The following EXOC4 variants were observed in gnomAD, a reference collection of about 807,000 sequenced individuals.
The protein encoded by EXOC4 is exocyst complex component 4.
A neutral mutation model predicts 107.2 loss-of-function variants in EXOC4; 71 were observed. The ratio of observed to expected loss-of-function variants is 0.66; its 90% CI spans 0.55 to 0.81. The LOEUF (loss-of-function observed/expected upper bound fraction) is 0.81, where lower values mean the gene tolerates loss of function less well. EXOC4 is among the 30% of genes least tolerant of loss of function. The probability of loss-of-function intolerance (pLI) is 0.00; values close to 1 mark genes in which losing one functional copy is unlikely to be tolerated. For synonymous variants in EXOC4, 456 were observed against 441.2 expected, an observed-to-expected ratio of 1.03 and a Z score of -0.42; for missense variants, 1,108 against 1,189.6, an observed-to-expected ratio of 0.93 and a Z score of 1.01.
At chr7:133,730,246 A>G (rs1014224849) in intron 10 of EXOC4, among the ~76,000 whole-genome samples, 2 of 150,550 alleles carry the variant, frequency 1.3e-5, no homozygotes, top group African/African-American at 2.4e-5. Flanking sequence ...ATGATTGGAA[A>G]CAGGATAATA....
Position 133,895,698 on chromosome 7 carries a change from C to T in EXOC4, c.1834C>T (p.Leu612Phe), listed in dbSNP as rs140299875. The T allele has an allele frequency of 1.9e-6, 3 of 1,614,148 alleles. No individual in the cohort carries two copies. In the African/African-American group the frequency reaches 4.0e-5, roughly 22 times the overall value. Residue 612 changes from leucine to phenylalanine, a missense_variant, in exon 12 of 18, where the codon CTC becomes TTC. Physicochemically the swap from Leu to Phe is conservative, Grantham distance 22. Transcript: ENST00000253861. ...ATTCCTCAACATGGTGTGCGTGAAG[C>T]TCCAGGAGTACAAGGACACCTGCAC... Reference protein sequence around the residue: ...DQFLNMVCVKLQEYKDTCTAA... With the variant: ...DQFLNMVCVKFQEYKDTCTAA...
rs1799798499 is a variant in EXOC4, at chr7:133,512,861, G to A, written c.1417+32723G>A. On this transcript the variant is annotated intron_variant, in intron 9 of 17. Transcript: ENST00000253861. ...AAATCATATGAAACTGGCCAGGTGC[G>A]GTGGCTCACGCCTGCGGGCGGATCA... 3.3e-5 allele frequency among the ~76,000 whole-genome samples: 5 copies of A among 152,226 alleles called. No homozygotes were observed. In the Middle Eastern group the frequency reaches 0.01, roughly 311 times the overall value.
Position 133,356,699 on chromosome 7 carries a change from G to A in EXOC4, c.1007+126G>A, listed in dbSNP as rs1226322200. On this transcript the variant is annotated intron_variant, in intron 6 of 17. Transcript: ENST00000253861. ...AACTTAGGATACTATAGCCCATACA[G>A]GCCAGGCGCAGTGGCTCACGCCTGT... 1.1e-5 allele frequency: 12 copies of A among 1,142,370 alleles called. 1 individual carries two copies. Among genetic ancestry groups the A allele is most frequent in the Non-Finnish European group, 1.5e-5 (12 of 817,100 alleles). The allele number at this position is 1,142,370 out of a possible 1,614,324, so 70.8% of individuals were successfully genotyped here.
intron 17 of EXOC4, among the ~76,000 whole-genome samples, chr7:134,045,778 T>G (rs907076789): frequency 6.6e-6 from 1 of 152,052 alleles, no homozygotes; most frequent in Non-Finnish European, 1.5e-5. Context: ...CACTCCTCAT[T>G]TCCCCCAAAC....
intron 7 of EXOC4, among the ~76,000 whole-genome samples, chr7:133,473,712 T>C (rs529687248): frequency 6.6e-6 from 1 of 152,116 alleles, no homozygotes; most frequent in African/African-American, 2.4e-5. Flanking sequence ...TCTTGTTTTT[T>C]TTTTTTAAAA....
chr7:133,394,086 A>G (rs1413668367), intron 7 of EXOC4, among the ~76,000 whole-genome samples: 1 of 152,148 alleles, frequency 6.6e-6, no homozygotes, highest in African/African-American at 2.4e-5. Context: ...TGGGCATGAA[A>G]TAATGTTGGC....
At chr7:133,369,830 G>C (rs1325889741) in intron 6 of EXOC4, among the ~76,000 whole-genome samples, 1 of 127,434 alleles carries the variant, frequency 7.8e-6, no homozygotes, top group African/African-American at 3.2e-5. Context: ...TTTTGAGACG[G>C]AGTTTCGCTC....
Position 133,917,829 on chromosome 7 carries a change from C to T in EXOC4, c.2027+91C>T, listed in dbSNP as rs377582820. ...TTTTTACATGAAATTTAGGCAAATT[C>T]TAAAAATCAAGCAGCAATTACTTGA... On this transcript the variant is annotated intron_variant, in intron 13 of 17. Coordinates refer to ENST00000253861, the MANE Select transcript of EXOC4 (RefSeq NM_021807.4). 200 of 1,283,236 alleles carry T rather than the reference C, an allele frequency of 1.6e-4. 1 individual carries two copies. In the East Asian group the frequency reaches 1.9e-3, roughly 12 times the overall value. 79.5% of individuals were successfully genotyped at this position (1,283,236 alleles called of 1,614,324 possible). A position where few individuals can be genotyped will look rare whatever the true frequency, so the allele number is the denominator to read the frequency against.
chr7:134,091,844 A>G, the EXOC4 span, among the ~76,000 whole-genome samples: 1 of 152,176 alleles, frequency 6.6e-6, no homozygotes, highest in African/African-American at 2.4e-5. Flanking sequence ...GCAGGGGCAG[A>G]GTGTACCCCT....
intron 1 of EXOC4, among the ~76,000 whole-genome samples, chr7:133,264,013 CAGAAA>C (rs1162747328): frequency 3.3e-5 from 5 of 151,958 alleles, no homozygotes; most frequent in African/African-American, 1.2e-4. Flanking sequence ...AGGAACTCAC[CAGAAA>C]AGAAGATCAC....
At chr7:133,302,964 A>G (rs1253709067) in intron 3 of EXOC4, among the ~76,000 whole-genome samples, 1 of 152,260 alleles carries the variant, frequency 6.6e-6, no homozygotes, top group African/African-American at 2.4e-5. Context: ...ATTCCTAAAT[A>G]CAGACGATTA....
At chr7:133,275,538 C>T (rs565098798) in intron 2 of EXOC4, among the ~76,000 whole-genome samples, 1 of 152,318 alleles carries the variant, frequency 6.6e-6, no homozygotes, top group East Asian at 1.9e-4. Flanking sequence ...GTATTTCACA[C>T]ATCTAAACAA....
intron 9 of EXOC4, among the ~76,000 whole-genome samples, chr7:133,629,276 T>C (rs1563132642): frequency 6.6e-6 from 1 of 152,240 alleles, no homozygotes; most frequent in Middle Eastern, 3.4e-3. Flanking sequence ...TTAGATATGA[T>C]AAAGTGTGAT....
chr7:133,656,973 G>A (rs1803314715), intron 10 of EXOC4, among the ~76,000 whole-genome samples: 1 of 152,150 alleles, frequency 6.6e-6, no homozygotes, highest in Non-Finnish European at 1.5e-5. Flanking sequence ...TTTAACATAT[G>A]CTGTGAAGAT....
intron 6 of EXOC4, among the ~76,000 whole-genome samples, chr7:133,363,609 TAAAAA>T (rs10714895): frequency 7.7e-4 from 110 of 142,572 alleles, no homozygotes; most frequent in African/African-American, 2.6e-3. Flanking sequence ...GTGGCAAAGT[TAAAAA>T]AAAAAAAAAA....
intron 10 of EXOC4, among the ~76,000 whole-genome samples, chr7:133,761,877 T>C (rs1382306735): frequency 6.6e-6 from 1 of 152,206 alleles, no homozygotes; most frequent in Non-Finnish European, 1.5e-5. Context: ...GGCTGGCTTA[T>C]GCCAGTGAAG....
chr7:133,493,753 AGTGACATCCATTTT>A (rs1304478136), intron 9 of EXOC4, among the ~76,000 whole-genome samples: 1 of 152,144 alleles, frequency 6.6e-6, no homozygotes, highest in Admixed American at 6.5e-5. Context: ...TGTAATGTTA[AGTGACATCCATTTT>A]GAGAATGTAG....
At chr7:133,970,895 G>A (rs1019605743) in intron 14 of EXOC4, among the ~76,000 whole-genome samples, 1 of 145,900 alleles carries the variant, frequency 6.9e-6, no homozygotes, top group African/African-American at 2.6e-5. Flanking sequence ...GGTTTCCCCT[G>A]ACCTGCCTTC....
intron 4 of EXOC4, among the ~76,000 whole-genome samples, chr7:133,313,417 A>G (rs1276038978): frequency 6.6e-6 from 1 of 152,182 alleles, no homozygotes; most frequent in Non-Finnish European, 1.5e-5. Context: ...TGATTTAACA[A>G]AATTTTATGA....
Sources: gnomAD v4.1 joint callset for allele counts (sites outside exome capture counted in the v4.1 genomes callset) on GRCh38, gnomAD v4.1.1 for gene constraint, MANE v1.5 for transcripts, NCBI Gene and HGNC (gene_info 2026-07-23, HGNC 2026-07-21) for gene names.